TFAM: variants seen among roughly 807,000 people sequenced by gnomAD.
The protein encoded by TFAM is transcription factor A, mitochondrial, also known as mitochondrial transcription factor 1.
Under a neutral mutation model 30.6 loss-of-function variants are expected in TFAM, and 13 were observed. The ratio of observed to expected loss-of-function variants is 0.42; its 90% confidence interval spans 0.28 to 0.67. The LOEUF (loss-of-function observed/expected upper bound fraction) is 0.67. TFAM is among the 30% of genes least tolerant of loss of function. The pLI is 0.21. For synonymous variants in TFAM, 106 were observed against 94.8 expected (o/e 1.12, Z -0.69); for missense variants, 231 against 293.7 (o/e 0.79, Z 1.56).
At chr10:58,391,301 T>C (rs1489087757) in intron 5 of TFAM, among the ~76,000 whole-genome samples, 1 of 152,210 alleles carries the variant, frequency 6.6e-6, no homozygotes, top group African/African-American at 2.4e-5. Flanking sequence ...GAATGCATCA[T>C]ATCAGTGTGT....
chr10:58,392,980 C>T (rs563422714), intron 5 of TFAM, among the ~76,000 whole-genome samples: 102 of 151,562 alleles, frequency 6.7e-4, no homozygotes, highest in Middle Eastern at 3.4e-3. Flanking sequence ...CCTGACCCAA[C>T]CTCTCTTTAT....
chr10:58,385,511 A>C lies in TFAM; in HGVS notation c.-37A>C. The C allele has an allele frequency of 6.7e-7, 1 of 1,501,920 alleles. No individual in the cohort carries two copies. Among genetic ancestry groups the C allele is most frequent in the Non-Finnish European group, 9.1e-7 (1 of 1,101,358 alleles). 93.0% of individuals were successfully genotyped at this position (1,501,920 alleles called of 1,614,324 possible). On this transcript the variant is annotated 5_prime_UTR_variant, in exon 1 of 7. Transcript: ENST00000487519. Reference sequence around the variant, plus strand: ...TTGTGTATTGCCAGGAGGCTCTCCGAGATTGGGGTCGGGTCACTGCCTCAT... The same window carrying C: ...TTGTGTATTGCCAGGAGGCTCTCCGCGATTGGGGTCGGGTCACTGCCTCAT...
In TFAM at chr10:58,396,784, A is replaced by G. The variant is rs1840690224; in HGVS notation, c.*1710A>G. 6.6e-6 allele frequency: 1 copy of G among 152,250 alleles called. No homozygotes were observed. The highest frequency in any genetic ancestry group is 1.5e-5 in the Non-Finnish European group (1 of 68,046). 9.4% of individuals were successfully genotyped at this position (152,250 alleles called of 1,614,324 possible). ...TTGAAGACTTTGATGTCACAAAAAG[A>G]TGACTTGTTATATGCTGAGCTTGAC... On this transcript the variant is annotated 3_prime_UTR_variant, in exon 7 of 7. Coordinates refer to ENST00000487519, the MANE Select transcript of TFAM (RefSeq NM_003201.3).
In TFAM at chr10:58,386,257, G is replaced by T; in HGVS notation, c.139G>T (p.Ala47Ser). The change falls in exon 2 of 7, where the codon GCA (alanine) becomes TCA (serine). Residue 47 changes from alanine (A) to serine (S), a missense_variant. Ala to Ser is a moderately conservative substitution (Grantham distance 99). Coordinates refer to ENST00000487519, the MANE Select transcript of TFAM (RefSeq NM_003201.3). ...ACCGAGGTGGTTTTCATCTGTCTTGGCAAGTTGTCCAAAGAAACCTGTAAG... is the reference window on the plus strand; with the variant it reads ...ACCGAGGTGGTTTTCATCTGTCTTGTCAAGTTGTCCAAAGAAACCTGTAAG... ...YLPRWFSSVL[A>S]SCPKKPVSSY... The T allele has an allele frequency of 1.2e-6, 2 of 1,613,570 alleles. No individual in the cohort carries two copies. The highest frequency in any genetic ancestry group is 3.3e-5 in the Admixed American group (2 of 60,006).
At position 58,388,809 on chromosome 10, in the gene TFAM, C is replaced by CAAA; in HGVS notation, c.439_441dup (p.Lys147dup). On this transcript the variant is annotated inframe_insertion, in exon 4 of 7. Transcript: ENST00000487519. ...AAACATTTAAAAAGGAAAGCTATGA[C>CAAA]AAAAAAAAAAGTGAGTATCATTGAA... 1 of 1,378,330 alleles carries CAAA rather than the reference C, an allele frequency of 7.3e-7. No homozygotes were observed. Among genetic ancestry groups the CAAA allele is most frequent in the Non-Finnish European group, 9.8e-7 (1 of 1,018,574 alleles). 85.4% of individuals were successfully genotyped at this position (1,378,330 alleles called of 1,614,324 possible).
At chr10:58,386,635 T>G in intron 2 of TFAM, 1 of 1,185,248 alleles carries the variant, frequency 8.4e-7, no homozygotes, top group Admixed American at 4.3e-5. Flanking sequence ...TGATGAATTA[T>G]TTTCTCTTGC....
chr10:58,389,633 G>A (rs1840555179), intron 4 of TFAM, among the ~76,000 whole-genome samples: 1 of 152,090 alleles, frequency 6.6e-6, no homozygotes, highest in South Asian at 2.1e-4. Context: ...GCTACTTTAG[G>A]GTGGCTGATC....
chr10:58,393,917 C>G, intron 5 of TFAM, among the ~76,000 whole-genome samples: 1 of 140,998 alleles, frequency 7.1e-6, no homozygotes, highest in South Asian at 2.2e-4. Flanking sequence ...AAAATTCTAT[C>G]CCTTTAATTT....
rs568591701 is a variant in TFAM, at chr10:58,396,828, G to C, written c.*1754G>C. ...GCTTGACAAAGGTAGGAATGGGAGA[G>C]AAAAATAGTAGCTTATGAGGAAATA... On this transcript the variant is annotated 3_prime_UTR_variant, in exon 7 of 7. Transcript: ENST00000487519. 46 of 152,312 alleles carry C rather than the reference G, an allele frequency of 3.0e-4. No homozygotes were observed. Among genetic ancestry groups the C allele is most frequent in the Middle Eastern group, 3.4e-3 (1 of 294 alleles). The allele number at this position is 152,312 out of a possible 1,614,324, so 9.4% of individuals were successfully genotyped here. A position where few individuals can be genotyped will look rare whatever the true frequency, so the allele number is the denominator to read the frequency against.
At chr10:58,394,848 C>T (rs1840654227) in intron 6 of TFAM, 80 bp from the exon 7 acceptor site, 5 of 1,404,378 alleles carry the variant, frequency 3.6e-6, no homozygotes, top group African/African-American at 1.4e-5. Context: ...AGAAGCATTC[C>T]AGAAATTAAT....
Position 58,390,750 on chromosome 10 carries a change from A to G in TFAM, c.442-15A>G, listed in dbSNP as rs1473773117. The G allele has an allele frequency of 1.2e-6, 2 of 1,607,686 alleles. No individual in the cohort carries two copies. The highest frequency in any genetic ancestry group is 1.7e-6 in the Non-Finnish European group (2 of 1,176,414). ...GGTTAACACTATTTTTGACCCTCCA[A>G]TTTTTTTAATTCAGGAGTTAACACT... is the stretch of plus-strand genomic sequence containing the variant. On this transcript the variant is annotated splice_polypyrimidine_tract_variant and intron_variant, in intron 4 of 6. Coordinates refer to ENST00000487519, the MANE Select transcript of TFAM (RefSeq NM_003201.3).
rs1840660329 is a variant in TFAM at position 58,395,164 on chromosome 10, A to G, written c.*90A>G. 3.0e-6 allele frequency: 4 copies of G among 1,338,308 alleles called. No homozygotes were observed. The highest frequency in any genetic ancestry group is 4.2e-6 in the Non-Finnish European group (4 of 944,636). The allele number at this position is 1,338,308 out of a possible 1,614,324, so 82.9% of individuals were successfully genotyped here. ...GAAGCTATCGTAAAATTAAGAAAGGATAAAGTTGGTAAACCTTTTATATTT... is the reference window on the plus strand; with the variant it reads ...GAAGCTATCGTAAAATTAAGAAAGGGTAAAGTTGGTAAACCTTTTATATTT... On this transcript the variant is annotated 3_prime_UTR_variant, in exon 7 of 7. Transcript: ENST00000487519.
intron 5 of TFAM, among the ~76,000 whole-genome samples, chr10:58,392,115 G>C (rs1396123159): frequency 6.6e-6 from 1 of 151,894 alleles, no homozygotes; most frequent in African/African-American, 2.4e-5. Context: ...TATCCTTGTG[G>C]TGCTGCTTTT....
At chr10:58,390,533 T>A (rs936331579) in intron 4 of TFAM, among the ~76,000 whole-genome samples, 4 of 152,166 alleles carry the variant, frequency 2.6e-5, no homozygotes, top group Non-Finnish European at 5.9e-5. Flanking sequence ...GAATAATAGG[T>A]AAAGGAAATG....
chr10:58,392,335 C>T (rs928071640), intron 5 of TFAM, among the ~76,000 whole-genome samples: 3 of 152,084 alleles, frequency 2.0e-5, no homozygotes, highest in African/African-American at 4.8e-5. Flanking sequence ...TATTGTACTG[C>T]TTTTGAGAAA....
intron 4 of TFAM, among the ~76,000 whole-genome samples, chr10:58,389,836 C>G (rs375814580): frequency 6.6e-6 from 1 of 152,202 alleles, no homozygotes; most frequent in Admixed American, 6.5e-5. Context: ...TAAAGTTTCC[C>G]TTGTCATTCT....
At position 58,388,016 on chromosome 10, in the gene TFAM, A is replaced by G. The variant is rs139675989; in HGVS notation, c.221-174A>G. Among the ~76,000 whole-genome samples the G allele has an allele frequency of 0.013, 1,930 of 152,300 alleles. 12 individuals are homozygous for G. Among genetic ancestry groups the G allele is most frequent in the Admixed American group, 0.025 (377 of 15,284 alleles). On this transcript the variant is annotated intron_variant, in intron 2 of 6. Transcript: ENST00000487519. ...GTATACTCCTTAGTTGTTAGATAATAGACTTTTGATAATGTTGGATAAATT... is the reference window on the plus strand; with the variant it reads ...GTATACTCCTTAGTTGTTAGATAATGGACTTTTGATAATGTTGGATAAATT...
chr10:58,385,619 C>T lies in TFAM; in HGVS notation c.72C>T (p.Gly24=). Reference sequence around the variant, plus strand: ...GGTCTGGAGCAGAGCTGTGCACCGGCTGTGGAAGTCGACTGCGCTCCCCCT... The same window carrying T: ...GGTCTGGAGCAGAGCTGTGCACCGGTTGTGGAAGTCGACTGCGCTCCCCCT... ...LGRSGAELCT[G]CGSRLRSPFS... Residue 24 remains glycine, a synonymous_variant, in exon 1 of 7, where the codon GGC becomes GGT. Coordinates refer to ENST00000487519, the MANE Select transcript of TFAM (RefSeq NM_003201.3). 6.4e-7 allele frequency: 1 copy of T among 1,562,380 alleles called. No homozygotes were observed. The highest frequency in any genetic ancestry group is 1.2e-5 in the South Asian group (1 of 84,716).
chr10:58,386,361 C>A lies in TFAM; in HGVS notation c.220+23C>A, dbSNP rs373890287. 4 of 1,501,250 alleles carry A rather than the reference C, an allele frequency of 2.7e-6. No individual in the cohort carries two copies. In the African/African-American group the frequency reaches 4.1e-5, roughly 15 times the overall value. The allele number at this position is 1,501,250 out of a possible 1,614,324, so 93.0% of individuals were successfully genotyped here. ...CAGGTAAGGAGTTTTGGGGCATATA[C>A]CCTTTTCTCATGTAATAAAAATGCC... On this transcript the variant is annotated intron_variant, in intron 2 of 6. Transcript: ENST00000487519.
Sources: gnomAD v4.1 joint callset for allele counts (sites outside exome capture counted in the v4.1 genomes callset) on GRCh38, gnomAD v4.1.1 for gene constraint, MANE v1.5 for transcripts, NCBI Gene and HGNC (gene_info 2026-07-23, HGNC 2026-07-21) for gene names.